Variants in EMSY observed in about 807,000 individuals in gnomAD.
EMSY encodes EMSY transcriptional repressor, BRCA2 interacting.
Under a neutral mutation model 134.6 loss-of-function variants are expected in EMSY, and 26 were observed. The observed-to-expected ratio is 0.19, with a 90% CI of 0.14 to 0.27. The LOEUF (loss-of-function observed/expected upper bound fraction) is 0.27. EMSY is among the 10% of genes least tolerant of loss of function. The pLI is 1.00. For synonymous variants in EMSY, 579 were observed against 577.8 expected (o/e 1.00, Z -0.03); for missense variants, 1,305 against 1,611.4 (o/e 0.81, Z 3.26).
exon 21 of EMSY, chr11:76,550,846 CCTT>C (rs1201197713): frequency 4.6e-5 from 7 of 152,344 alleles, no homozygotes; most frequent in Non-Finnish European, 1.0e-4. Flanking sequence ...AGGCCGTACT[CCTT>C]CTGACAAATT....
intron 8 of EMSY, among the ~76,000 whole-genome samples, chr11:76,481,977 TA>T (rs1949000191): frequency 1.3e-5 from 2 of 152,152 alleles, no homozygotes; most frequent in South Asian, 4.1e-4. Context: ...TAGGGGTTGA[TA>T]GACACCTCAT....
intron 11 of EMSY, among the ~76,000 whole-genome samples, chr11:76,517,170 A>G (rs1950477082): frequency 3.3e-5 from 5 of 152,168 alleles, no homozygotes; most frequent in Admixed American, 3.3e-4. Context: ...CAAGGGATTG[A>G]AGTTCCTGGC....
intron 8 of EMSY, among the ~76,000 whole-genome samples, chr11:76,480,808 C>CCT (rs1202631961): frequency 6.6e-6 from 1 of 152,176 alleles, no homozygotes; most frequent in Non-Finnish European, 1.5e-5. Flanking sequence ...CCAGGAAGCA[C>CCT]AAGGGGTTGG....
At chr11:76,493,671 G>A (rs1036351485) in intron 8 of EMSY, among the ~76,000 whole-genome samples, 3 of 152,200 alleles carry the variant, frequency 2.0e-5, no homozygotes, top group Non-Finnish European at 4.4e-5. Flanking sequence ...CTGAACACTC[G>A]TTCAGGAGAC....
chr11:76,450,944 C>G (rs1418704337), intron 2 of EMSY, among the ~76,000 whole-genome samples: 1 of 151,738 alleles, frequency 6.6e-6, no homozygotes, highest in Non-Finnish European at 1.5e-5. Flanking sequence ...CAGGTGTGTA[C>G]CACCACACCC....
chr11:76,481,980 A>G (rs190644866), intron 8 of EMSY, among the ~76,000 whole-genome samples: 2 of 152,236 alleles, frequency 1.3e-5, no homozygotes, highest in East Asian at 3.9e-4. Context: ...GGGTTGATAG[A>G]CACCTCATAC....
chr11:76,543,644 T>A (rs1326676807), intron 18 of EMSY, among the ~76,000 whole-genome samples: 3 of 152,142 alleles, frequency 2.0e-5, no homozygotes, highest in Admixed American at 2.0e-4. Context: ...CCCTCCTCAG[T>A]CTCCTTCCGT....
intron 2 of EMSY, among the ~76,000 whole-genome samples, chr11:76,449,510 A>G (rs1947564051): frequency 6.6e-6 from 1 of 152,192 alleles, no homozygotes; most frequent in Non-Finnish European, 1.5e-5. Flanking sequence ...TCCACAGGTC[A>G]CAAGTGTCAA....
intron 11 of EMSY, among the ~76,000 whole-genome samples, chr11:76,518,283 T>G (rs1417223410): frequency 6.7e-6 from 1 of 148,566 alleles, no homozygotes; most frequent in African/African-American, 2.5e-5. Context: ...TCCTGACACC[T>G]CAGCCTTCCA....
intron 9 of EMSY, among the ~76,000 whole-genome samples, chr11:76,502,207 A>G (rs932710282): frequency 2.7e-5 from 4 of 150,752 alleles, no homozygotes; most frequent in Non-Finnish European, 5.9e-5. Flanking sequence ...GAATAGAAAG[A>G]ATAAGGAAAA....
At chr11:76,461,645 G>T (rs1234431188) in intron 6 of EMSY, among the ~76,000 whole-genome samples, 1 of 152,142 alleles carries the variant, frequency 6.6e-6, no homozygotes, top group African/African-American at 2.4e-5. Flanking sequence ...AAAACACTAG[G>T]CTGGAGCCGG....
intron 11 of EMSY, among the ~76,000 whole-genome samples, chr11:76,519,739 T>TA (rs1161863328): frequency 2.6e-5 from 4 of 152,212 alleles, no homozygotes; most frequent in African/African-American, 7.2e-5. Flanking sequence ...AGCCTACCTA[T>TA]TATAATGCCC....
At chr11:76,523,727 A>ATTTTTTTTTTTTTTG (rs1247662192) in intron 12 of EMSY, among the ~76,000 whole-genome samples, 1 of 49,414 alleles carries the variant, frequency 2.0e-5, no homozygotes, top group African/African-American at 8.2e-5. Flanking sequence ...TTTTTTTTTC[A>ATTTTTTTTTTTTTTG]TTTTTACCTC....
At chr11:76,523,704 C>CTTTGTTTTTTTTTTTTT (rs1950731479) in intron 12 of EMSY, among the ~76,000 whole-genome samples, 2 of 80,536 alleles carry the variant, frequency 2.5e-5, no homozygotes, top group Non-Finnish European at 2.3e-5. Context: ...TTGTTACTTT[C>CTTTGTTTTTTTTTTTTT]TTTTTTTTTT....
At chr11:76,494,683 C>A (rs1035809500) in intron 8 of EMSY, among the ~76,000 whole-genome samples, 2 of 93,106 alleles carry the variant, frequency 2.1e-5, no homozygotes, top group Admixed American at 2.2e-4. Flanking sequence ...TCCTTCCTTC[C>A]TTCCTTCCTT....
At chr11:76,540,990 C>T (rs1261092679) in intron 17 of EMSY, among the ~76,000 whole-genome samples, 1 of 152,066 alleles carries the variant, frequency 6.6e-6, no homozygotes, top group Non-Finnish European at 1.5e-5. Context: ...TTTGGGAGGC[C>T]GAGGTGGGTG....
At chr11:76,540,540 A>T (rs1951398402) in intron 17 of EMSY, among the ~76,000 whole-genome samples, 1 of 152,240 alleles carries the variant, frequency 6.6e-6, no homozygotes. Context: ...ATCTCAAATC[A>T]CATGTAGATA....
intron 9 of EMSY, among the ~76,000 whole-genome samples, chr11:76,512,360 T>C (rs1950308003): frequency 6.6e-6 from 1 of 152,184 alleles, no homozygotes; most frequent in South Asian, 2.1e-4. Context: ...TGCATTGCTC[T>C]AGTATATTGA....
At chr11:76,544,782 T>C in exon 19 of EMSY, 1 of 1,614,026 alleles carries the variant, frequency 6.2e-7, no homozygotes, top group Non-Finnish European at 8.5e-7. Context: ...CAGAGCCAAA[T>C]GTCGCTCCCA....
Sources: gnomAD v4.1 joint callset for allele counts (sites outside exome capture counted in the v4.1 genomes callset) on GRCh38, gnomAD v4.1.1 for gene constraint, MANE v1.5 for transcripts, NCBI Gene and HGNC (gene_info 2026-07-23, HGNC 2026-07-21) for gene names.